LRP5: variants seen among roughly 807,000 people sequenced by gnomAD.
LRP5 encodes the protein low-density lipoprotein receptor-related protein 5.
A neutral mutation model predicts 154.1 loss-of-function variants in LRP5; 62 were observed. That is an observed-to-expected ratio of 0.40 (90% CI 0.33 to 0.50). LRP5 has a LOEUF of 0.50. Ranked by LOEUF, LRP5 falls within the 20% of genes least tolerant of loss-of-function variation. The probability of loss-of-function intolerance (pLI) is 0.55; values close to 1 mark genes in which losing one functional copy is unlikely to be tolerated. For missense variants in LRP5, 1,915 were observed against 2,336.7 expected (o/e 0.82, Z 3.72); for synonymous variants, 966 against 1,011.5 (o/e 0.96, Z 0.85).
intron 8 of LRP5, 134 bp from the exon 9 acceptor site, chr11:68,406,390 A>G: frequency 6.3e-6 from 6 of 945,326 alleles, no homozygotes; most frequent in Non-Finnish European, 1.0e-5. Flanking sequence ...GTCGGACCTG[A>G]CCCGGGGGTG....
intron 12 of LRP5, among the ~76,000 whole-genome samples, chr11:68,414,834 C>T (rs887087413): frequency 4.6e-5 from 7 of 152,192 alleles, no homozygotes; most frequent in Non-Finnish European, 8.8e-5. Context: ...AGGGGCTGTT[C>T]GAGGCCCAGG....
rs2098668061 is a variant in LRP5, at chr11:68,425,252, G to A, written c.3387G>A (p.Val1129=). 2 of 1,611,348 alleles carry A rather than the reference G, an allele frequency of 1.2e-6. No individual in the cohort carries two copies. The highest frequency in any genetic ancestry group is 2.7e-5 in the African/African-American group (2 of 74,936). ...VDNTLGKLFW[V]DADLKRIESC... is the part of the protein sequence containing the mutation. Reference sequence around the variant, plus strand: ...ACACACTGGGCAAGCTGTTCTGGGTGGACGCGGACCTGAAGCGCATTGAGA... The same window carrying A: ...ACACACTGGGCAAGCTGTTCTGGGTAGACGCGGACCTGAAGCGCATTGAGA... The change falls in exon 15 of 23, where the codon GTG becomes GTA. Residue 1129 remains valine, a synonymous_variant. Coordinates refer to ENST00000294304, the MANE Select transcript of LRP5 (RefSeq NM_002335.4).
chr11:68,308,923 ATTT>A (rs34529621), upstream of LRP5, among the ~76,000 whole-genome samples: 1,512 of 74,432 alleles, frequency 0.02, 8 homozygotes, highest in Non-Finnish European at 0.027. Flanking sequence ...TAATCAGCTA[ATTT>A]TTTTTTTTTT....
chr11:68,397,527 C>G (rs1394130363), intron 7 of LRP5, among the ~76,000 whole-genome samples: 1 of 152,222 alleles, frequency 6.6e-6, no homozygotes, highest in Non-Finnish European at 1.5e-5. Context: ...CTTCCTTGGC[C>G]TTCCAGGGAA....
chr11:68,416,551 C>T (rs367557491), intron 13 of LRP5, 24 bp downstream of exon 13: 25 of 1,611,092 alleles, frequency 1.6e-5, no homozygotes, highest in African/African-American at 6.7e-5. Flanking sequence ...GGGAAGGGTG[C>T]GGGGTGTGCT....
rs765940834 is a variant in LRP5 at position 68,433,663 on chromosome 11, C to G, written c.3825C>G (p.Pro1275=). Residue 1275 remains proline, a synonymous_variant, in exon 18 of 23, where the codon CCC becomes CCG. Coordinates refer to ENST00000294304, the MANE Select transcript of LRP5 (RefSeq NM_002335.4). ...CCACAGGGGAGATCGACTGTATCCC[C>G]GGGGCCTGGCGCTGTGACGGCTTTC... is the stretch of plus-strand genomic sequence containing the variant. ...ACATGEIDCI[P]GAWRCDGFPE... is the part of the protein sequence containing the mutation. 2 of 1,613,440 alleles carry G rather than the reference C, an allele frequency of 1.2e-6. No homozygotes were observed. Among genetic ancestry groups the G allele is most frequent in the East Asian group, 4.5e-5 (2 of 44,880 alleles).
At chr11:68,418,016 A>G (rs1164399660) in intron 13 of LRP5, among the ~76,000 whole-genome samples, 1 of 152,198 alleles carries the variant, frequency 6.6e-6, no homozygotes, top group Non-Finnish European at 1.5e-5. Flanking sequence ...CTGTTCCACA[A>G]ATGATGTGCT....
At chr11:68,364,955 G>A (rs1024803306) in intron 4 of LRP5, among the ~76,000 whole-genome samples, 14 of 152,156 alleles carry the variant, frequency 9.2e-5, no homozygotes, top group African/African-American at 3.4e-4. Context: ...TGAATGAGGT[G>A]CTGGAAGCAT....
chr11:68,391,353 A>T (rs1388837716), intron 7 of LRP5, among the ~76,000 whole-genome samples: 1 of 152,184 alleles, frequency 6.6e-6, no homozygotes, highest in Non-Finnish European at 1.5e-5. Flanking sequence ...CATTGAGGTG[A>T]CATTGGTGCC....
chr11:68,445,210 C>G (rs1459625612), intron 21 of LRP5, among the ~76,000 whole-genome samples: 1 of 152,146 alleles, frequency 6.6e-6, no homozygotes, highest in Non-Finnish European at 1.5e-5. Flanking sequence ...AGGGATTCTC[C>G]CACCTCAGCC....
chr11:68,408,476 A>T (rs1307065616), intron 9 of LRP5, among the ~76,000 whole-genome samples: 1 of 152,136 alleles, frequency 6.6e-6, no homozygotes, highest in East Asian at 1.9e-4. Flanking sequence ...ATAGGAAAGT[A>T]TAAAAAGAAA....
chr11:68,376,753 GA>G (rs2098637574), intron 5 of LRP5, among the ~76,000 whole-genome samples: 1 of 152,246 alleles, frequency 6.6e-6, no homozygotes, highest in African/African-American at 2.4e-5. Context: ...CCTGGGTTCA[GA>G]AAGGCACCCT....
intron 2 of LRP5, among the ~76,000 whole-genome samples, chr11:68,352,934 G>A (rs1271979722): frequency 6.6e-6 from 1 of 151,680 alleles, no homozygotes; most frequent in Non-Finnish European, 1.5e-5. Flanking sequence ...CTGGTTGGGA[G>A]TAGTTGGTGT....
chr11:68,349,970 C>T (rs59174369), intron 2 of LRP5, among the ~76,000 whole-genome samples: 5,024 of 152,238 alleles, frequency 0.033, 307 homozygotes, highest in African/African-American at 0.12. Context: ...AGCCATTTCC[C>T]ACCACCCCCA....
chr11:68,322,318 A>G (rs1388932772), intron 1 of LRP5, among the ~76,000 whole-genome samples: 3 of 152,238 alleles, frequency 2.0e-5, no homozygotes, highest in Admixed American at 6.5e-5. Context: ...GAAAGCCTAG[A>G]TTCAGAGCCA....
At chr11:68,409,380 CATTT>C (rs2098658139) in intron 9 of LRP5, among the ~76,000 whole-genome samples, 1 of 146,416 alleles carries the variant, frequency 6.8e-6, no homozygotes. Flanking sequence ...TATAAATACA[CATTT>C]ATATTATTTT....
chr11:68,429,762 G>A, intron 17 of LRP5, 62 bp downstream of exon 17: 2 of 1,608,740 alleles, frequency 1.2e-6, no homozygotes, highest in Non-Finnish European at 1.7e-6. Context: ...CTGCCTGCTA[G>A]GCTGCTGCCT....
At chr11:68,446,242 G>A (rs2153184959) in intron 21 of LRP5, among the ~76,000 whole-genome samples, 194 bp from the exon 22 acceptor site, 1 of 152,356 alleles carries the variant, frequency 6.6e-6, no homozygotes, top group South Asian at 2.1e-4. Context: ...GCCTTTCACT[G>A]AGATGACCTT....
At chr11:68,420,860 C>T (rs532029154) in intron 13 of LRP5, among the ~76,000 whole-genome samples, 6 of 152,238 alleles carry the variant, frequency 3.9e-5, no homozygotes, top group Middle Eastern at 6.8e-3. Flanking sequence ...GAGGAAAAGG[C>T]GTGTTTGTGG....
Sources: gnomAD v4.1 joint callset for allele counts (sites outside exome capture counted in the v4.1 genomes callset) on GRCh38, gnomAD v4.1.1 for gene constraint, MANE v1.5 for transcripts, NCBI Gene and HGNC (gene_info 2026-07-23, HGNC 2026-07-21) for gene names.